The following PLCB1 variants were observed in gnomAD, a reference collection of about 807,000 sequenced individuals.
PLCB1 encodes the protein phospholipase C beta 1.
Under a neutral mutation model 161.8 loss-of-function variants are expected in PLCB1, and 46 were observed. The ratio of observed to expected loss-of-function variants is 0.28; its 90% CI spans 0.22 to 0.36. The LOEUF (loss-of-function observed/expected upper bound fraction) is 0.36, where lower values mean the gene tolerates loss of function less well. PLCB1 is among the 10% of genes least tolerant of loss of function. The pLI is 1.00. For synonymous variants in PLCB1, 517 were observed against 503.7 expected (o/e 1.03, Z -0.35); for missense variants, 1,016 against 1,472.5 (o/e 0.69, Z 5.07).
intron 3 of PLCB1, among the ~76,000 whole-genome samples, chr20:8,596,157 T>C (rs1987340612): frequency 6.6e-6 from 1 of 150,888 alleles, no homozygotes. Flanking sequence ...TTTGGTGTTT[T>C]GGACATGAAG....
At chr20:8,810,896 G>T (rs1335939300) in intron 31 of PLCB1, among the ~76,000 whole-genome samples, 1 of 152,182 alleles carries the variant, frequency 6.6e-6, no homozygotes, top group East Asian at 1.9e-4. Flanking sequence ...AACCTGCGAG[G>T]TCAAGGCCGC....
At chr20:8,137,842 T>TA (rs1308932830) in intron 1 of PLCB1, among the ~76,000 whole-genome samples, 1 of 152,252 alleles carries the variant, frequency 6.6e-6, no homozygotes, top group African/African-American at 2.4e-5. Context: ...AAGCTATTTT[T>TA]ACTTTGAATG....
intron 2 of PLCB1, among the ~76,000 whole-genome samples, chr20:8,300,538 GT>G (rs924606148): frequency 2.7e-4 from 40 of 150,724 alleles, no homozygotes; most frequent in African/African-American, 7.4e-4. Flanking sequence ...TTTGGAAGTG[GT>G]TTTTTTTTAT....
chr20:8,811,810 G>A (rs1378038263), intron 31 of PLCB1, among the ~76,000 whole-genome samples: 6 of 151,760 alleles, frequency 4.0e-5, no homozygotes, highest in Admixed American at 1.3e-4. Context: ...GGCTTCACAT[G>A]TGCCTTTCTG....
At chr20:8,793,662 C>T (rs1259739282) in intron 31 of PLCB1, among the ~76,000 whole-genome samples, 1 of 152,108 alleles carries the variant, frequency 6.6e-6, no homozygotes, top group Non-Finnish European at 1.5e-5. Flanking sequence ...TATCACAAGG[C>T]AAGTGGAGGC....
intron 3 of PLCB1, among the ~76,000 whole-genome samples, chr20:8,478,080 A>G (rs1168950916): frequency 1.3e-5 from 2 of 152,218 alleles, no homozygotes; most frequent in African/African-American, 4.8e-5. Flanking sequence ...GATTATTCAT[A>G]GGGAGAGCTG....
chr20:8,877,218 T>A (rs1987811930), intron 31 of PLCB1, among the ~76,000 whole-genome samples: 1 of 152,156 alleles, frequency 6.6e-6, no homozygotes, highest in African/African-American at 2.4e-5. Context: ...GAAGCCCTGG[T>A]GATCTGTGGA....
At chr20:8,534,369 A>G (rs972485732) in intron 3 of PLCB1, among the ~76,000 whole-genome samples, 4 of 152,144 alleles carry the variant, frequency 2.6e-5, no homozygotes, top group Non-Finnish European at 5.9e-5. Context: ...TAATGAAACC[A>G]TTATATTTAC....
chr20:8,858,912 CAAAAA>C (rs11482207), intron 31 of PLCB1, among the ~76,000 whole-genome samples: 7 of 111,562 alleles, frequency 6.3e-5, no homozygotes, highest in Admixed American at 2.0e-4. Flanking sequence ...TTTGAGTGTG[CAAAAA>C]AAAAAAAAAA....
chr20:8,240,924 T>A (rs915689137), intron 2 of PLCB1, among the ~76,000 whole-genome samples: 2 of 151,992 alleles, frequency 1.3e-5, no homozygotes, highest in African/African-American at 4.8e-5. Context: ...CAGTTCTGAT[T>A]GGTCATTTAA....
intron 31 of PLCB1, among the ~76,000 whole-genome samples, chr20:8,850,184 T>C (rs1986841216): frequency 6.6e-6 from 1 of 152,184 alleles, no homozygotes; most frequent in Non-Finnish European, 1.5e-5. Flanking sequence ...CCACTGTGAA[T>C]ATTAATGTCT....
chr20:8,732,675 A>G (rs1008564941), intron 18 of PLCB1, among the ~76,000 whole-genome samples: 5 of 146,108 alleles, frequency 3.4e-5, no homozygotes, highest in Admixed American at 6.9e-5. Flanking sequence ...ATATTCTAAT[A>G]TATGCTTTAT....
chr20:8,323,755 AC>A (rs1466806178), intron 2 of PLCB1, among the ~76,000 whole-genome samples: 1 of 152,000 alleles, frequency 6.6e-6, no homozygotes, highest in Non-Finnish European at 1.5e-5. Flanking sequence ...GAATTTGCAG[AC>A]TTTTTTTAAC....
chr20:8,229,590 C>G (rs1979896039), intron 2 of PLCB1, among the ~76,000 whole-genome samples: 2 of 152,148 alleles, frequency 1.3e-5, no homozygotes, highest in Admixed American at 1.3e-4. Flanking sequence ...CTAGTGATAA[C>G]TATATTGGAC....
chr20:8,522,050 T>C (rs984205406), intron 3 of PLCB1, among the ~76,000 whole-genome samples: 2 of 152,226 alleles, frequency 1.3e-5, no homozygotes. Flanking sequence ...AAGATTGTCC[T>C]TGAGAGCCAA....
chr20:8,133,947 G>T (rs35253300), intron 1 of PLCB1, among the ~76,000 whole-genome samples: 162 of 152,214 alleles, frequency 1.1e-3, no homozygotes, highest in Non-Finnish European at 1.5e-3. Flanking sequence ...AATATTCCAG[G>T]TAGTGAATCC....
At chr20:8,357,351 G>A (rs1302494603) in intron 2 of PLCB1, among the ~76,000 whole-genome samples, 1 of 152,198 alleles carries the variant, frequency 6.6e-6, no homozygotes. Flanking sequence ...AACCAATAAT[G>A]TGTTTCTTTG....
Position 8,628,278 on chromosome 20 carries a change from A to G in PLCB1, c.247-16A>G. 1 of 1,603,022 alleles carries G rather than the reference A, an allele frequency of 6.2e-7. No homozygotes were observed. Among genetic ancestry groups the G allele is most frequent in the Non-Finnish European group, 8.5e-7 (1 of 1,169,946 alleles). The stretch of plus-strand genomic sequence containing the variant: ...CTCTAGTTATAGACTAATTATTTTC[A>G]ATATTTATTACCCAGGACCCCAAAT... On this transcript the variant is annotated splice_polypyrimidine_tract_variant and intron_variant, in intron 3 of 31. Transcript: ENST00000338037.
rs117283315 is a variant in PLCB1 at position 8,791,969 on chromosome 20, A to G, written c.3423+1708A>G. On this transcript the variant is annotated intron_variant, in intron 31 of 31. Coordinates refer to ENST00000338037, the MANE Select transcript of PLCB1 (RefSeq NM_015192.4). ...ACTGGCTTCAACAGTTATAGTATTT[A>G]GTAAGCCACGTTACTGGAAATTCAG... The G allele has an allele frequency of 1.2e-3, 184 of 152,380 alleles. 1 individual carries two copies. The highest frequency in any genetic ancestry group is 2.3e-3 in the Non-Finnish European group (157 of 68,044). The allele number at this position is 152,380 out of a possible 1,614,324, so 9.4% of individuals were successfully genotyped here.
Sources: gnomAD v4.1 joint callset for allele counts (sites outside exome capture counted in the v4.1 genomes callset) on GRCh38, gnomAD v4.1.1 for gene constraint, MANE v1.5 for transcripts, NCBI Gene and HGNC (gene_info 2026-07-23, HGNC 2026-07-21) for gene names.